Variants in KIAA0232 observed in about 807,000 individuals in gnomAD.
KIAA0232 encodes the protein KIAA0232.
KIAA0232 carries 27 observed loss-of-function variants against 122.0 expected under a neutral mutation model. The ratio of observed to expected loss-of-function variants is 0.22; its 90% CI spans 0.16 to 0.31. The LOEUF (loss-of-function observed/expected upper bound fraction) is 0.31. Ranked by LOEUF, KIAA0232 falls within the 10% of genes least tolerant of loss-of-function variation. KIAA0232 has a pLI of 1.00. For missense variants in KIAA0232, 1,551 were observed against 1,634.2 expected (o/e 0.95, Z 0.88); for synonymous variants, 613 against 587.6 (o/e 1.04, Z -0.63).
chr4:6,801,267 A>G (rs1717372934), intron 1 of KIAA0232, among the ~76,000 whole-genome samples: 1 of 152,244 alleles, frequency 6.6e-6, no homozygotes, highest in South Asian at 2.1e-4. Flanking sequence ...ATTTTAATTA[A>G]TTAAAATGTA....
intron 4 of KIAA0232, among the ~76,000 whole-genome samples, chr4:6,853,396 G>C (rs1200895429): frequency 2.0e-5 from 3 of 152,204 alleles, no homozygotes; most frequent in Admixed American, 6.5e-5. Context: ...TCAGTAACCA[G>C]CTATTAGGAA....
intron 9 of KIAA0232, among the ~76,000 whole-genome samples, chr4:6,878,719 T>C (rs1213425112): frequency 6.6e-6 from 1 of 152,220 alleles, no homozygotes; most frequent in Non-Finnish European, 1.5e-5. Flanking sequence ...ATTTGTATCC[T>C]GTCTGGACTG....
Position 6,862,335 on chromosome 4 carries a change from T to G in KIAA0232, c.1953T>G (p.Phe651Leu). The change falls in exon 7 of 10, where the codon TTT becomes TTG. Residue 651 changes from phenylalanine to leucine, a missense_variant. Coordinates refer to ENST00000307659, the MANE Select transcript of KIAA0232 (RefSeq NM_014743.3). ...GTATAAACTCTTGTTTTTCAGTGTT[T>G]GAAGTGCAATGCAGTAATTCTGTTT... ...GSGINSCFSV[F>L]EVQCSNSVLP... 5 of 1,614,170 alleles carry G rather than the reference T, an allele frequency of 3.1e-6. No individual in the cohort carries two copies. Among genetic ancestry groups the G allele is most frequent in the Non-Finnish European group, 4.2e-6 (5 of 1,180,024 alleles).
At chr4:6,784,995 G>A (rs1716551576) in intron 1 of KIAA0232, among the ~76,000 whole-genome samples, 1 of 147,202 alleles carries the variant, frequency 6.8e-6, no homozygotes, top group Non-Finnish European at 1.5e-5. Context: ...GCTGGAGTCC[G>A]CGATCTCGGC....
At position 6,800,711 on chromosome 4, in the gene KIAA0232, A is replaced by G. The variant is rs571099928; in HGVS notation, c.-353-3812A>G. ...AAAAAAAGAAAATTTGGAGGAAAAG[A>G]CCTTGCTCATTATACTTGTTTGAAT... On this transcript the variant is annotated intron_variant, in intron 1 of 9. Transcript: ENST00000307659. Among the ~76,000 whole-genome samples, 9 of 152,156 alleles carry G rather than the reference A, an allele frequency of 5.9e-5. No individual in the cohort carries two copies. The East Asian group carries it at 1.7e-3, about 30-fold the overall frequency.
intron 3 of KIAA0232, among the ~76,000 whole-genome samples, chr4:6,835,335 G>C (rs940711667): frequency 6.6e-6 from 1 of 152,076 alleles, no homozygotes; most frequent in Non-Finnish European, 1.5e-5. Flanking sequence ...ACAAGTTCAA[G>C]GGGAAGAAGC....
intron 3 of KIAA0232, among the ~76,000 whole-genome samples, chr4:6,837,008 A>G (rs1719330171): frequency 6.6e-6 from 1 of 152,120 alleles, no homozygotes; most frequent in Non-Finnish European, 1.5e-5. Context: ...CCCCCTTTCT[A>G]TTCGACAAAA....
chr4:6,858,348 T>C, intron 5 of KIAA0232, 77 bp from the exon 6 acceptor site: 4 of 812,596 alleles, frequency 4.9e-6, no homozygotes, highest in South Asian at 1.9e-5. Context: ...TTAAAATTAG[T>C]TGAGAAACTT....
intron 4 of KIAA0232, among the ~76,000 whole-genome samples, chr4:6,849,371 C>G (rs953514680): frequency 6.6e-6 from 1 of 152,194 alleles, no homozygotes; most frequent in African/African-American, 2.4e-5. Flanking sequence ...CCTGTAATCC[C>G]AGCACTTTGG....
In KIAA0232 at chr4:6,816,220, G is replaced by C. The variant is rs146578288; in HGVS notation, c.-269-7965G>C. On this transcript the variant is annotated intron_variant, in intron 2 of 9. Transcript: ENST00000307659. ...TGGATTCAATTACCTGAAAATTTGT[G>C]TAAAATTTTTGCATCTGTACTCATG... Among the ~76,000 whole-genome samples, 219 of 151,288 alleles carry C rather than the reference G, an allele frequency of 1.4e-3. 3 individuals carry two copies. The East Asian group carries it at 0.037, about 25-fold the overall frequency.
chr4:6,843,927 C>CTTTTTTTTTTTTT lies in KIAA0232; in HGVS notation c.369+1743_369+1755dup, dbSNP rs373793407. On this transcript the variant is annotated intron_variant, in intron 4 of 9. Transcript: ENST00000307659. ...GGCGCAAGGACCGTGAGTTACCCAT[C>CTTTTTTTTTTTTT]TTTTTTTTTTTTTTTTTTTTTTTTT... Among the ~76,000 whole-genome samples, 15 of 46,360 alleles carry CTTTTTTTTTTTTT rather than the reference C, an allele frequency of 3.2e-4. 4 individuals carry two copies. Among genetic ancestry groups the CTTTTTTTTTTTTT allele is most frequent in the African/African-American group, 8.9e-4 (13 of 14,678 alleles). The allele number at this position is 46,360 out of a possible 152,430, so 30.4% of individuals were successfully genotyped here.
At position 6,881,513 on chromosome 4, in the gene KIAA0232, C is replaced by T. The variant is rs904786596; in HGVS notation, c.*547C>T. 1.3e-5 allele frequency: 2 copies of T among 152,634 alleles called. No homozygotes were observed. The highest frequency in any genetic ancestry group is 6.5e-5 in the Admixed American group (1 of 15,286). The allele number at this position is 152,634 out of a possible 1,614,324, so 9.5% of individuals were successfully genotyped here. The stretch of plus-strand genomic sequence containing the variant: ...TCTCATGTACATTTCCAGTAGGAAC[C>T]GCAGAGGTGTGCTTTTCAAGACTCA... On this transcript the variant is annotated 3_prime_UTR_variant, in exon 10 of 10. Coordinates refer to ENST00000307659, the MANE Select transcript of KIAA0232 (RefSeq NM_014743.3).
chr4:6,878,153 T>C (rs1440767165), intron 9 of KIAA0232, among the ~76,000 whole-genome samples: 2 of 152,180 alleles, frequency 1.3e-5, no homozygotes, highest in Non-Finnish European at 2.9e-5. Flanking sequence ...GGTGGGCAGA[T>C]CACCTGAGGT....
Position 6,861,648 on chromosome 4 carries a change from C to G in KIAA0232, c.1266C>G (p.Thr422=). 1 of 1,613,962 alleles carries G rather than the reference C, an allele frequency of 6.2e-7. No homozygotes were observed. The highest frequency in any genetic ancestry group is 8.5e-7 in the Non-Finnish European group (1 of 1,180,010). ...VPLSRKSKLE[T]TYRNRQDTSD... Reference sequence around the variant, plus strand: ...TGAGCAGAAAAAGTAAACTAGAGACCACATACCGAAACAGACAGGATACAA... The same window carrying G: ...TGAGCAGAAAAAGTAAACTAGAGACGACATACCGAAACAGACAGGATACAA... The change falls in exon 7 of 10, where the codon ACC becomes ACG. Residue 422 remains threonine (T), a synonymous_variant. Coordinates refer to ENST00000307659, the MANE Select transcript of KIAA0232 (RefSeq NM_014743.3).
chr4:6,827,056 TG>T (rs1718725455), intron 3 of KIAA0232, among the ~76,000 whole-genome samples: 1 of 152,182 alleles, frequency 6.6e-6, no homozygotes, highest in African/African-American at 2.4e-5. Flanking sequence ...AAACATAACA[TG>T]TCTGGAGTTA....
chr4:6,786,681 G>A (rs189523376), intron 1 of KIAA0232, among the ~76,000 whole-genome samples: 2 of 152,260 alleles, frequency 1.3e-5, no homozygotes, highest in African/African-American at 4.8e-5. Flanking sequence ...GTTGAATATA[G>A]TTACTATTTA....
At chr4:6,803,934 A>T (rs560638911) in intron 1 of KIAA0232, among the ~76,000 whole-genome samples, 1 of 152,268 alleles carries the variant, frequency 6.6e-6, no homozygotes, top group African/African-American at 2.4e-5. Context: ...TTTAATTAAC[A>T]TAAAATTCCA....
chr4:6,854,560 G>A (rs965336064), intron 4 of KIAA0232, among the ~76,000 whole-genome samples: 2 of 152,230 alleles, frequency 1.3e-5, no homozygotes, highest in African/African-American at 2.4e-5. Context: ...CTCACTGAGC[G>A]TGTCCTGAAA....
At chr4:6,872,059 C>G (rs1721523123) in intron 8 of KIAA0232, among the ~76,000 whole-genome samples, 1 of 152,190 alleles carries the variant, frequency 6.6e-6, no homozygotes. Flanking sequence ...TGAGTTGTAG[C>G]TGACGCGGGA....
Sources: gnomAD v4.1 joint callset for allele counts (sites outside exome capture counted in the v4.1 genomes callset) on GRCh38, gnomAD v4.1.1 for gene constraint, MANE v1.5 for transcripts, NCBI Gene and HGNC (gene_info 2026-07-23, HGNC 2026-07-21) for gene names.